NUDT3: variants seen among roughly 807,000 people sequenced by gnomAD.
NUDT3 encodes the protein nudix hydrolase 3.
In NUDT3, 9 loss-of-function variants were observed where a neutral mutation model predicts 23.6. The ratio of observed to expected loss-of-function variants is 0.38; its 90% CI spans 0.23 to 0.66. The LOEUF is 0.66. NUDT3 is among the 30% of genes least tolerant of loss of function. The pLI is 0.52. For synonymous variants in NUDT3, 86 were observed against 82.6 expected, an observed-to-expected ratio of 1.04 and a Z score of -0.22; for missense variants, 172 against 218.5, an observed-to-expected ratio of 0.79 and a Z score of 1.34.
chr6:34,371,716 ATGG>A, intron 1 of NUDT3, among the ~76,000 whole-genome samples: 1 of 152,132 alleles, frequency 6.6e-6, no homozygotes, highest in Non-Finnish European at 1.5e-5. Flanking sequence ...ATTCTTTAAG[ATGG>A]TTGGCTAAGT....
chr6:34,378,731 C>G (rs1026517585), intron 1 of NUDT3, among the ~76,000 whole-genome samples: 1 of 152,186 alleles, frequency 6.6e-6, no homozygotes, highest in Non-Finnish European at 1.5e-5. Context: ...GCCTTAGTCC[C>G]GCATCCACAT....
At chr6:34,290,995 C>A (rs969836494) in intron 4 of NUDT3, among the ~76,000 whole-genome samples, 1 of 151,650 alleles carries the variant, frequency 6.6e-6, no homozygotes, top group East Asian at 1.9e-4. Context: ...AGGCTCACTC[C>A]GTCATGCAGG....
At chr6:34,343,566 G>T (rs970177342) in intron 1 of NUDT3, among the ~76,000 whole-genome samples, 3 of 151,596 alleles carry the variant, frequency 2.0e-5, no homozygotes, top group African/African-American at 7.3e-5. Flanking sequence ...CCTCTCATTG[G>T]ACTGTCTCAG....
At chr6:34,370,240 C>T (rs1001503421) in intron 1 of NUDT3, among the ~76,000 whole-genome samples, 1 of 152,136 alleles carries the variant, frequency 6.6e-6, no homozygotes, top group African/African-American at 2.4e-5. Context: ...ATAATGCTGG[C>T]TAAAATAAAT....
At chr6:34,338,874 T>C (rs530547179) in intron 2 of NUDT3, among the ~76,000 whole-genome samples, 25 of 152,330 alleles carry the variant, frequency 1.6e-4, no homozygotes, top group African/African-American at 5.8e-4. Flanking sequence ...AAATTCTTAA[T>C]TGCAGACAAC....
Position 34,392,330 on chromosome 6 carries a change from G to C in NUDT3, c.33C>G (p.Thr11=). MMKLKSNQTR[T]YDGDGYKKRA... ...GCTTCTTGTAGCCGTCGCCGTCGTA[G>C]GTGCGGGTCTGGTTCGACTTGAGCT... Residue 11 remains threonine (T), a synonymous_variant, in exon 1 of 5, where the codon ACC becomes ACG. Transcript: ENST00000607016. 6.2e-6 allele frequency: 10 copies of C among 1,606,460 alleles called. No individual in the cohort carries two copies. The highest frequency in any genetic ancestry group is 8.5e-6 in the Non-Finnish European group (10 of 1,177,532).
At position 34,387,673 on chromosome 6, in the gene NUDT3, T is replaced by TAAAA. The variant is rs752125676; in HGVS notation, c.99+4587_99+4590dup. On this transcript the variant is annotated intron_variant, in intron 1 of 4. Coordinates refer to ENST00000607016, the MANE Select transcript of NUDT3 (RefSeq NM_006703.4). The stretch of plus-strand genomic sequence containing the variant: ...AACAGAGCAAGATCTCATCTCTTTT[T>TAAAA]AAAAAAAAAAAAAAAAAAAAAAAGT... Among the ~76,000 whole-genome samples, 143 of 98,750 alleles carry TAAAA rather than the reference T, an allele frequency of 1.4e-3. 1 individual carries two copies. Among genetic ancestry groups the TAAAA allele is most frequent in the African/African-American group, 4.9e-3 (125 of 25,720 alleles). The allele number at this position is 98,750 out of a possible 152,430, so 64.8% of individuals were successfully genotyped here. A position where few individuals can be genotyped will look rare whatever the true frequency, so the allele number is the denominator to read the frequency against.
At chr6:34,353,966 G>T (rs550859523) in intron 1 of NUDT3, among the ~76,000 whole-genome samples, 5 of 151,760 alleles carry the variant, frequency 3.3e-5, no homozygotes, top group Non-Finnish European at 7.4e-5. Context: ...GCAATGGCAT[G>T]GTCTCGGCTC....
At chr6:34,293,990 ACTTAC>A (rs557112142) in intron 3 of NUDT3, among the ~76,000 whole-genome samples, 1 of 151,172 alleles carries the variant, frequency 6.6e-6, no homozygotes, top group East Asian at 2.0e-4. Flanking sequence ...CACTAACCCC[ACTTAC>A]CTTATTTTTT....
rs531105612 is a variant in NUDT3, at chr6:34,321,288, A to C, written c.210+20574T>G. On this transcript the variant is annotated intron_variant, in intron 2 of 4. Coordinates refer to ENST00000607016, the MANE Select transcript of NUDT3 (RefSeq NM_006703.4). The stretch of plus-strand genomic sequence containing the variant: ...CCCCATCTCTACTAAAATACAAAAC[A>C]CTAGCTGGGCGTGGTGGTGCGCACC... 4.6e-5 allele frequency among the ~76,000 whole-genome samples: 7 copies of C among 151,972 alleles called. No individual in the cohort carries two copies. The East Asian group carries it at 1.4e-3, about 29-fold the overall frequency.
At chr6:34,321,862 A>G (rs2113717938) in intron 2 of NUDT3, among the ~76,000 whole-genome samples, 1 of 152,368 alleles carries the variant, frequency 6.6e-6, no homozygotes, top group East Asian at 1.9e-4. Context: ...CATGATATAC[A>G]TGTAGCTACT....
intron 2 of NUDT3, among the ~76,000 whole-genome samples, chr6:34,326,221 A>G (rs1031808312): frequency 2.6e-5 from 4 of 152,238 alleles, no homozygotes; most frequent in Non-Finnish European, 4.4e-5. Context: ...TACACTTTCT[A>G]ATTTTAAGAA....
chr6:34,389,852 T>G (rs1281713937), intron 1 of NUDT3, among the ~76,000 whole-genome samples: 1 of 151,936 alleles, frequency 6.6e-6, no homozygotes, highest in Non-Finnish European at 1.5e-5. Flanking sequence ...TAGTCCCAGC[T>G]GCTCGGGAGG....
intron 2 of NUDT3, among the ~76,000 whole-genome samples, chr6:34,306,746 A>G (rs1381182093): frequency 1.3e-5 from 2 of 152,254 alleles, no homozygotes; most frequent in Non-Finnish European, 2.9e-5. Context: ...ATATTTGTCA[A>G]TGGGTACCAT....
At chr6:34,321,501 T>TA (rs1763942212) in intron 2 of NUDT3, among the ~76,000 whole-genome samples, 1 of 152,102 alleles carries the variant, frequency 6.6e-6, no homozygotes. Flanking sequence ...TTAATAGAAT[T>TA]AGTTTTAAAA....
intron 1 of NUDT3, among the ~76,000 whole-genome samples, chr6:34,385,713 T>C (rs1765094463): frequency 6.6e-6 from 1 of 151,690 alleles, no homozygotes; most frequent in South Asian, 2.1e-4. Context: ...AGACAGACTC[T>C]TACTCTGTCA....
intron 2 of NUDT3, among the ~76,000 whole-genome samples, chr6:34,315,932 A>G (rs1763850806): frequency 6.6e-6 from 1 of 152,172 alleles, no homozygotes; most frequent in African/African-American, 2.4e-5. Flanking sequence ...CCGATAAAGC[A>G]TGTCATGGAG....
At chr6:34,313,112 T>C (rs745769190) in intron 2 of NUDT3, among the ~76,000 whole-genome samples, 3 of 152,034 alleles carry the variant, frequency 2.0e-5, no homozygotes, top group African/African-American at 4.8e-5. Context: ...GAGGCAAAGC[T>C]TGCAGTGAGC....
At chr6:34,331,144 C>T (rs548107434) in intron 2 of NUDT3, among the ~76,000 whole-genome samples, 88 of 152,258 alleles carry the variant, frequency 5.8e-4, no homozygotes, top group African/African-American at 1.9e-3. Context: ...GGTGAGCCAC[C>T]GCACCTGGCC....
Sources: gnomAD v4.1 joint callset for allele counts (sites outside exome capture counted in the v4.1 genomes callset) on GRCh38, gnomAD v4.1.1 for gene constraint, MANE v1.5 for transcripts, NCBI Gene and HGNC (gene_info 2026-07-23, HGNC 2026-07-21) for gene names.